MAF: variants seen among roughly 807,000 people sequenced by gnomAD.
MAF encodes transcription factor Maf.
A neutral mutation model predicts 22.0 loss-of-function variants in MAF; 10 were observed. The ratio of observed to expected loss-of-function variants is 0.45; its 90% CI spans 0.28 to 0.77. The LOEUF is 0.77. MAF is among the 30% of genes least tolerant of loss of function. The pLI, the probability that MAF is intolerant of heterozygous loss-of-function variation, is 0.12. For synonymous variants in MAF, 337 were observed against 255.8 expected (o/e 1.32, Z -3.03); for missense variants, 544 against 548.4 (o/e 0.99, Z 0.08).
chr16:79,222,609 C>T, the MAF span, among the ~76,000 whole-genome samples: 3 of 152,082 alleles, frequency 2.0e-5, no homozygotes, highest in African/African-American at 7.2e-5. Context: ...CAAGACCCAT[C>T]CTGTGCTGTA....
chr16:79,223,877 C>T, the MAF span, among the ~76,000 whole-genome samples: 1 of 152,114 alleles, frequency 6.6e-6, no homozygotes, highest in African/African-American at 2.4e-5. Context: ...AATAGCCTAC[C>T]ACCCAAAATA....
intron 1 of MAF, chr16:79,595,414 TTTTTTTC>T: frequency 1.9e-6 from 2 of 1,053,692 alleles, no homozygotes; most frequent in South Asian, 9.1e-5. Flanking sequence ...CAATATTATC[TTTTTTTC>T]TTTTAAGAAC....
chr16:79,312,821 G>C, the MAF span, among the ~76,000 whole-genome samples: 6 of 152,058 alleles, frequency 3.9e-5, no homozygotes, highest in South Asian at 2.1e-4. Flanking sequence ...GATTGTCTTC[G>C]GCTACATATA....
chr16:79,520,356 T>A, the MAF span, among the ~76,000 whole-genome samples: 1 of 152,002 alleles, frequency 6.6e-6, no homozygotes, highest in African/African-American at 2.4e-5. Context: ...ACATTTCCCA[T>A]CTCCTCTGCA....
At chr16:79,537,161 T>C in the MAF span, among the ~76,000 whole-genome samples, 34 of 152,286 alleles carry the variant, frequency 2.2e-4, no homozygotes, top group African/African-American at 7.7e-4. Flanking sequence ...ATAAAGTGGG[T>C]CATTTGGTGA....
the MAF span, among the ~76,000 whole-genome samples, chr16:79,350,185 G>A: frequency 6.6e-6 from 1 of 152,198 alleles, no homozygotes; most frequent in African/African-American, 2.4e-5. Flanking sequence ...ATGAGGATTT[G>A]TTAAAGCATG....
chr16:79,376,644 A>G, the MAF span, among the ~76,000 whole-genome samples: 1 of 152,130 alleles, frequency 6.6e-6, no homozygotes, highest in African/African-American at 2.4e-5. Flanking sequence ...GTCATTTAGC[A>G]TTAGGTATAT....
chr16:79,555,568 A>G, the MAF span, among the ~76,000 whole-genome samples: 53 of 152,300 alleles, frequency 3.5e-4, 1 homozygote, highest in Admixed American at 1.2e-3. Flanking sequence ...TACCACACTA[A>G]TACAGGTCGG....
At chr16:79,303,960 T>C in the MAF span, among the ~76,000 whole-genome samples, 2 of 152,196 alleles carry the variant, frequency 1.3e-5, no homozygotes, top group Non-Finnish European at 2.9e-5. Context: ...AAAAGACTCA[T>C]TGCAAAAGAA....
chr16:79,499,569 G>A, the MAF span, among the ~76,000 whole-genome samples: 1 of 152,130 alleles, frequency 6.6e-6, no homozygotes, highest in Non-Finnish European at 1.5e-5. Context: ...CGAGAATGGG[G>A]TCATCATGAA....
At chr16:79,231,532 A>G in the MAF span, among the ~76,000 whole-genome samples, 1 of 152,054 alleles carries the variant, frequency 6.6e-6, no homozygotes, top group Admixed American at 6.6e-5. Context: ...GAATTTTCTT[A>G]TCTCTGTTAT....
the MAF span, among the ~76,000 whole-genome samples, chr16:79,566,705 AC>A: frequency 6.6e-6 from 1 of 152,164 alleles, no homozygotes; most frequent in African/African-American, 2.4e-5. Context: ...ACTGGAGTCT[AC>A]TTGGCCTGAA....
At chr16:79,470,305 G>A in the MAF span, among the ~76,000 whole-genome samples, 49 of 152,232 alleles carry the variant, frequency 3.2e-4, no homozygotes, top group African/African-American at 1.0e-3. Flanking sequence ...ACGCCCATCC[G>A]CCCTTTCCTG....
chr16:79,578,100 T>A, the MAF span, among the ~76,000 whole-genome samples: 1 of 152,216 alleles, frequency 6.6e-6, no homozygotes, highest in African/African-American at 2.4e-5. Flanking sequence ...GTTTTAAAAA[T>A]ATATATTTCA....
chr16:79,549,708 T>A, the MAF span, among the ~76,000 whole-genome samples: 1 of 152,128 alleles, frequency 6.6e-6, no homozygotes, highest in Non-Finnish European at 1.5e-5. Context: ...TCTTGCAGCA[T>A]CTAAAAAAGC....
chr16:79,358,246 C>T, the MAF span, among the ~76,000 whole-genome samples: 1 of 152,172 alleles, frequency 6.6e-6, no homozygotes, highest in African/African-American at 2.4e-5. Context: ...CTGGCTTCGG[C>T]TCTGGGGCTG....
At chr16:79,334,267 G>A in the MAF span, among the ~76,000 whole-genome samples, 8 of 152,320 alleles carry the variant, frequency 5.3e-5, no homozygotes, top group African/African-American at 1.9e-4. Flanking sequence ...CACAGCGACG[G>A]CAAAGAAGGG....
the MAF span, among the ~76,000 whole-genome samples, chr16:79,376,609 G>T: frequency 5.3e-5 from 8 of 152,184 alleles, no homozygotes; most frequent in South Asian, 1.7e-3. Flanking sequence ...CATGTGCCAT[G>T]TTGGTTTGCT....
chr16:79,567,655 G>C, the MAF span, among the ~76,000 whole-genome samples: 1 of 152,226 alleles, frequency 6.6e-6, no homozygotes, highest in Non-Finnish European at 1.5e-5. Flanking sequence ...TCCCCACTGG[G>C]CTTGGCACAA....
Sources: gnomAD v4.1 joint callset for allele counts (sites outside exome capture counted in the v4.1 genomes callset) on GRCh38, gnomAD v4.1.1 for gene constraint, MANE v1.5 for transcripts, NCBI Gene and HGNC (gene_info 2026-07-23, HGNC 2026-07-21) for gene names.